Variants in MMAA observed in about 807,000 individuals in gnomAD.
MMAA encodes metabolism of cobalamin associated A, also known as methylmalonic aciduria type A protein, mitochondrial.
A neutral mutation model predicts 45.0 loss-of-function variants in MMAA; 41 were observed. The observed-to-expected ratio is 0.91, with a 90% CI of 0.71 to 1.18. MMAA has a LOEUF of 1.18. Among genes scored for constraint, MMAA ranks in the 50% most tolerant of loss-of-function variants. The probability of loss-of-function intolerance (pLI) is 0.00; values close to 1 mark genes in which losing one functional copy is unlikely to be tolerated. For missense variants in MMAA, 460 were observed against 495.7 expected (o/e 0.93, Z 0.68); for synonymous variants, 154 against 178.2 (o/e 0.86, Z 1.08).
At chr4:145,647,366 C>T (rs1222284375) in intron 4 of MMAA, among the ~76,000 whole-genome samples, 1 of 152,114 alleles carries the variant, frequency 6.6e-6, no homozygotes, top group Non-Finnish European at 1.5e-5. Context: ...GAGAAAAGGA[C>T]TGAATGAGAA....
At chr4:145,625,772 C>G in intron 1 of MMAA, 5 of 1,247,074 alleles carry the variant, frequency 4.0e-6, no homozygotes, top group Non-Finnish European at 5.9e-6. Flanking sequence ...GCTGCTGAGC[C>G]TGCTGTTGAA....
intron 3 of MMAA, among the ~76,000 whole-genome samples, chr4:145,643,014 G>GCATA (rs1179785801): frequency 1.3e-5 from 2 of 152,140 alleles, no homozygotes; most frequent in Admixed American, 6.5e-5. Context: ...ACAGTATTTA[G>GCATA]CATAGTACAT....
chr4:145,639,536 C>A lies in MMAA; in HGVS notation c.397C>A (p.Gln133Lys). 6.2e-7 allele frequency: 1 copy of A among 1,611,180 alleles called. No homozygotes were observed. The change falls in exon 2 of 7, where the codon CAA (glutamine) becomes AAA (lysine). Residue 133 changes from glutamine to lysine, a missense_variant. Gln to Lys is a moderately conservative substitution (Grantham distance 53, BLOSUM62 1). Transcript: ENST00000649156. The stretch of plus-strand genomic sequence containing the variant: ...GAAAGTATTACTTTACCACAGAGAA[C>A]AAGAACAATCAAATAAAGGAAAACC... ...LQKVLLYHRE[Q>K]EQSNKGKPLA...
At chr4:145,646,378 T>G in intron 4 of MMAA, 1 of 522,622 alleles carries the variant, frequency 1.9e-6, no homozygotes, top group Non-Finnish European at 3.4e-6. Flanking sequence ...TGGATAACTG[T>G]TATACAGGTG....
chr4:145,623,674 A>G (rs1316833664), intron 1 of MMAA, among the ~76,000 whole-genome samples: 2 of 152,230 alleles, frequency 1.3e-5, no homozygotes, highest in African/African-American at 4.8e-5. Context: ...ATAGACTAGG[A>G]AAATCATTAT....
At chr4:145,625,858 G>A (rs1423496207) in intron 1 of MMAA, 7 of 1,340,742 alleles carry the variant, frequency 5.2e-6, no homozygotes, top group South Asian at 4.8e-5. Flanking sequence ...AGACGTTCCA[G>A]ATGACGGGTT....
intron 1 of MMAA, among the ~76,000 whole-genome samples, chr4:145,633,407 A>G (rs938600473): frequency 4.0e-5 from 6 of 151,696 alleles, no homozygotes; most frequent in African/African-American, 7.3e-5. Context: ...CATGTTGGCC[A>G]GGCTGGTCTC....
At chr4:145,624,779 T>A in intron 1 of MMAA, 1 of 1,604,364 alleles carries the variant, frequency 6.2e-7, no homozygotes, top group Non-Finnish European at 8.5e-7. Context: ...ACACGCACTC[T>A]GCAAAGCTTA....
At chr4:145,646,495 C>A in intron 4 of MMAA, 1 of 252,680 alleles carries the variant, frequency 4.0e-6, no homozygotes, top group Non-Finnish European at 7.6e-6. Context: ...CTACTGTGTT[C>A]ATCAAGAAAA....
At chr4:145,634,435 A>T (rs1019885851) in intron 1 of MMAA, among the ~76,000 whole-genome samples, 4 of 151,980 alleles carry the variant, frequency 2.6e-5, no homozygotes, top group African/African-American at 9.7e-5. Context: ...ATGCTGGCTG[A>T]TCAGGGACTT....
intron 1 of MMAA, chr4:145,625,735 A>C: frequency 2.1e-6 from 3 of 1,443,886 alleles, no homozygotes; most frequent in Non-Finnish European, 2.9e-6. Flanking sequence ...TGAATAAGAC[A>C]ATTGAACTGG....
chr4:145,634,669 G>A (rs1727558848), intron 1 of MMAA, among the ~76,000 whole-genome samples: 1 of 151,956 alleles, frequency 6.6e-6, no homozygotes, highest in South Asian at 2.1e-4. Context: ...GGAATGCGCT[G>A]AGTCTTACCT....
chr4:145,630,289 T>C (rs1299826249), intron 1 of MMAA, among the ~76,000 whole-genome samples: 2 of 152,252 alleles, frequency 1.3e-5, no homozygotes, highest in Non-Finnish European at 2.9e-5. Flanking sequence ...TATTGACATA[T>C]ACTTGCTCAT....
At chr4:145,644,392 G>A (rs1727872297) in intron 3 of MMAA, among the ~76,000 whole-genome samples, 1 of 152,166 alleles carries the variant, frequency 6.6e-6, no homozygotes, top group African/African-American at 2.4e-5. Context: ...CCTATGAGAA[G>A]ACTCTGAACT....
At chr4:145,623,914 G>A (rs1262120803) in intron 1 of MMAA, among the ~76,000 whole-genome samples, 2 of 152,144 alleles carry the variant, frequency 1.3e-5, no homozygotes, top group Non-Finnish European at 2.9e-5. Context: ...CTGGTGTGGG[G>A]GTGAATTAAC....
At chr4:145,653,031 G>A (rs1269507078) in intron 5 of MMAA, among the ~76,000 whole-genome samples, 17 of 151,926 alleles carry the variant, frequency 1.1e-4, no homozygotes, top group South Asian at 2.1e-4. Context: ...AACCACTCTC[G>A]GCTAATTTTT....
Position 145,645,973 on chromosome 4 carries a change from CTG to C in MMAA, c.563-11_563-10del. On this transcript the variant is annotated splice_polypyrimidine_tract_variant and intron_variant, in intron 3 of 6. Transcript: ENST00000649156. ...ACTGTTCCATGATTATAAAATGTAA[CTG>C]TATGTTTTAGGATCACTCTTAGGTG... 2 of 1,613,402 alleles carry C rather than the reference CTG, an allele frequency of 1.2e-6. No individual in the cohort carries two copies. The highest frequency in any genetic ancestry group is 1.7e-6 in the Non-Finnish European group (2 of 1,179,528).
At chr4:145,619,505 C>A (rs1468966643) in intron 1 of MMAA, 98 bp downstream of exon 1, 4 of 152,232 alleles carry the variant, frequency 2.6e-5, no homozygotes, top group African/African-American at 9.7e-5. Context: ...CTCCGGGGCG[C>A]CCCCTGGAGG....
chr4:145,656,121 G>A lies in MMAA; in HGVS notation c.*687G>A, dbSNP rs1409051023. On this transcript the variant is annotated 3_prime_UTR_variant, in exon 7 of 7. Transcript: ENST00000649156. Reference sequence around the variant, plus strand: ...AGTTCTTGGACCCATTATATTTGTAGCCAATTGGAGTAAACCCCTAAAAGA... The same window carrying A: ...AGTTCTTGGACCCATTATATTTGTAACCAATTGGAGTAAACCCCTAAAAGA... 2.0e-5 allele frequency: 3 copies of A among 152,170 alleles called. No homozygotes were observed. The East Asian group carries it at 5.8e-4, about 29-fold the overall frequency. The allele number at this position is 152,170 out of a possible 1,614,324, so 9.4% of individuals were successfully genotyped here.
Sources: allele counts gnomAD v4.1 joint callset (sites outside exome capture counted in the v4.1 genomes callset), GRCh38; gene constraint gnomAD v4.1.1; transcripts MANE v1.5; gene names NCBI Gene and HGNC (gene_info 2026-07-23, HGNC 2026-07-21).